The following ZNF469 variants were observed in gnomAD, a reference collection of about 807,000 sequenced individuals.
ZNF469 encodes zinc finger protein 469.
Under a neutral mutation model 1.0 loss-of-function variants are expected in ZNF469, and 1 was observed. The observed-to-expected ratio is 1.00, with a 90% CI of 0.35 to 4.73. The LOEUF is 4.73. Ranked by LOEUF, ZNF469 falls within the 30% of genes most tolerant of loss-of-function variation. ZNF469 has a pLI of 0.16. For missense variants in ZNF469, 6,100 were observed against 5,356.3 expected (o/e 1.14, Z -4.33); for synonymous variants, 2,703 against 2,363.4 (o/e 1.14, Z -4.17).
At chr16:88,183,681 C>A in the ZNF469 span, among the ~76,000 whole-genome samples, 51 of 152,312 alleles carry the variant, frequency 3.3e-4, no homozygotes, top group African/African-American at 1.2e-3. Context: ...AGAAGTGCCC[C>A]ACTCTGGACA....
chr16:88,194,148 A>T, the ZNF469 span: 1 of 152,278 alleles, frequency 6.6e-6, no homozygotes, highest in African/African-American at 2.4e-5. Flanking sequence ...AGGCTGGGCT[A>T]CTGATCATCC....
the ZNF469 span, among the ~76,000 whole-genome samples, chr16:88,157,053 C>G: frequency 6.6e-6 from 1 of 152,226 alleles, no homozygotes. Flanking sequence ...TGCTGGGCCT[C>G]CATGGCCCAT....
the ZNF469 span, among the ~76,000 whole-genome samples, chr16:88,235,183 G>A: frequency 1.3e-5 from 2 of 152,180 alleles, no homozygotes; most frequent in African/African-American, 4.8e-5. Context: ...TCCAGGGATG[G>A]AGAGGGTCCT....
At chr16:88,198,770 C>G in the ZNF469 span, among the ~76,000 whole-genome samples, 1 of 152,172 alleles carries the variant, frequency 6.6e-6, no homozygotes, top group Non-Finnish European at 1.5e-5. Context: ...GGACAGAGCT[C>G]ACAACCTCAC....
chr16:88,177,420 A>T, the ZNF469 span: 4 of 152,204 alleles, frequency 2.6e-5, no homozygotes, highest in Admixed American at 2.0e-4. This position sits in a 1 kb window ranked among gnomAD's most constrained non-coding sequence, Gnocchi z 4.8. Flanking sequence ...TGGCAAATGA[A>T]CTTGCGTTTC....
At chr16:88,395,046 C>G (rs181056111) in intron 1 of ZNF469, among the ~76,000 whole-genome samples, 1 of 152,238 alleles carries the variant, frequency 6.6e-6, no homozygotes, top group Admixed American at 6.5e-5. Flanking sequence ...CTCAGGTTGG[C>G]TCACGTGCCC....
At chr16:88,327,125 T>A in the ZNF469 span, among the ~76,000 whole-genome samples, 3 of 152,100 alleles carry the variant, frequency 2.0e-5, no homozygotes, top group Non-Finnish European at 4.4e-5. Flanking sequence ...AGTGGGGCCA[T>A]CCCCCATCCC....
the ZNF469 span, among the ~76,000 whole-genome samples, chr16:88,311,531 C>G: frequency 6.6e-6 from 1 of 152,182 alleles, no homozygotes; most frequent in Non-Finnish European, 1.5e-5. Context: ...CAAGCAAGTT[C>G]CAGAAGAACT....
At chr16:88,273,366 A>G in the ZNF469 span, among the ~76,000 whole-genome samples, 3 of 151,792 alleles carry the variant, frequency 2.0e-5, no homozygotes, top group African/African-American at 7.3e-5. Context: ...TATAGAACTT[A>G]TTTTACAAAG....
chr16:88,206,288 C>G, the ZNF469 span, among the ~76,000 whole-genome samples: 4 of 152,210 alleles, frequency 2.6e-5, no homozygotes, highest in Non-Finnish European at 5.9e-5. Context: ...TGGGTCTTGG[C>G]CTGGGCTCAG....
the ZNF469 span, among the ~76,000 whole-genome samples, chr16:88,204,291 C>A: frequency 1.0e-3 from 159 of 152,296 alleles, no homozygotes; most frequent in Non-Finnish European, 1.5e-3. Context: ...TGCCCCGTAA[C>A]CTCATAGAGC....
chr16:88,432,387 T>C lies in ZNF469; in HGVS notation c.4917T>C (p.Gly1639=). Residue 1639 remains glycine (G), a synonymous_variant, in exon 3 of 3, where the codon GGT becomes GGC. Coordinates refer to ENST00000565624, the MANE Select transcript of ZNF469 (RefSeq NM_001367624.2). The part of the protein sequence containing the change: ...RVGESTAHRE[G]AESAVATVEA... ...GAGAATCCACTGCACATCGGGAGGG[T>C]GCGGAATCGGCTGTGGCCACCGTGG... 1 of 1,549,100 alleles carries C rather than the reference T, an allele frequency of 6.5e-7. No individual in the cohort carries two copies. The highest frequency in any genetic ancestry group is 8.7e-7 in the Non-Finnish European group (1 of 1,146,630).
the ZNF469 span, among the ~76,000 whole-genome samples, chr16:88,334,312 C>A: frequency 1.3e-5 from 2 of 152,120 alleles, no homozygotes; most frequent in Non-Finnish European, 2.9e-5. Context: ...TGGTAAAAAA[C>A]AACAACAACA....
chr16:88,153,820 A>G, the ZNF469 span, among the ~76,000 whole-genome samples: 1 of 152,314 alleles, frequency 6.6e-6, no homozygotes, highest in East Asian at 1.9e-4. Context: ...CTCTGTGCAT[A>G]CATCGGGGTA....
the ZNF469 span, among the ~76,000 whole-genome samples, chr16:88,360,685 C>T: frequency 1.5e-4 from 21 of 141,888 alleles, no homozygotes; most frequent in Admixed American, 3.5e-4. Flanking sequence ...CCCCAGACAG[C>T]GCCCGCGTGC....
At chr16:88,303,046 C>A in the ZNF469 span, among the ~76,000 whole-genome samples, 1 of 152,154 alleles carries the variant, frequency 6.6e-6, no homozygotes, top group East Asian at 1.9e-4. Context: ...GAGGTTGGGT[C>A]CCTTAGGGTT....
Position 88,430,643 on chromosome 16 carries a change from A to G in ZNF469, c.3173A>G (p.Lys1058Arg), listed in dbSNP as rs1440685540. The change falls in exon 3 of 3, where the codon AAG (lysine) becomes AGG (arginine). Residue 1058 changes from lysine to arginine, a missense_variant. Physicochemically the swap from Lys to Arg is conservative, Grantham distance 26 (BLOSUM62 2). Coordinates refer to ENST00000565624, the MANE Select transcript of ZNF469 (RefSeq NM_001367624.2). ...CTCATTCTGAAGATCGTGCAGCAGA[A>G]GAACAGGCGCCACCGGCGGCTGGGG... ...KELILKIVQQ[K>R]NRRHRRLGRR... 1 of 1,495,766 alleles carries G rather than the reference A, an allele frequency of 6.7e-7. No homozygotes were observed. The highest frequency in any genetic ancestry group is 1.3e-5 in the South Asian group (1 of 79,748). 92.7% of individuals were successfully genotyped at this position (1,495,766 alleles called of 1,614,324 possible).
At chr16:88,407,334 A>G (rs1300401591) in intron 1 of ZNF469, among the ~76,000 whole-genome samples, 2 of 139,176 alleles carry the variant, frequency 1.4e-5, no homozygotes, top group East Asian at 2.1e-4. Flanking sequence ...AGCCGGCATC[A>G]TGGCAGGGCT....
At chr16:88,238,197 G>A in the ZNF469 span, among the ~76,000 whole-genome samples, 1 of 152,244 alleles carries the variant, frequency 6.6e-6, no homozygotes, top group Non-Finnish European at 1.5e-5. Context: ...GCTGCCATGT[G>A]GCCGGCAGCA....
Sources: allele counts gnomAD v4.1 joint callset (sites outside exome capture counted in the v4.1 genomes callset), GRCh38; gene constraint gnomAD v4.1.1; non-coding constraint Gnocchi (gnomAD v3.1); transcripts MANE v1.5; gene names NCBI Gene and HGNC (gene_info 2026-07-23, HGNC 2026-07-21).